KITLG: variants seen among roughly 807,000 people sequenced by gnomAD.
KITLG encodes c-Kit ligand.
KITLG carries 13 observed loss-of-function variants against 34.1 expected under a neutral mutation model. The ratio of observed to expected loss-of-function variants is 0.38; its 90% CI spans 0.25 to 0.61. The LOEUF is 0.61. Ranked by LOEUF, KITLG falls within the 20% of genes least tolerant of loss-of-function variation. The pLI, the probability that KITLG is intolerant of heterozygous loss-of-function variation, is 0.60. For missense variants in KITLG, 292 were observed against 318.9 expected (o/e 0.92, Z 0.64); for synonymous variants, 110 against 104.0 (o/e 1.06, Z -0.35).
chr12:88,494,839 G>C lies in KITLG; in HGVS notation c.*2380C>G, dbSNP rs1299953301. 1 of 152,040 alleles carries C rather than the reference G, an allele frequency of 6.6e-6. No individual in the cohort carries two copies. The highest frequency in any genetic ancestry group is 1.5e-5 in the Non-Finnish European group (1 of 67,916). The allele number at this position is 152,040 out of a possible 1,614,324, so 9.4% of individuals were successfully genotyped here. ...ACTATCTCAGCAGTGAGTTTTCCAT[G>C]ATTTATGAAGAAGGATATTCAGAAC... On this transcript the variant is annotated 3_prime_UTR_variant, in exon 10 of 10. Coordinates refer to ENST00000644744, the MANE Select transcript of KITLG (RefSeq NM_000899.5).
chr12:88,540,300 A>G (rs1350224734), intron 2 of KITLG, among the ~76,000 whole-genome samples: 1 of 152,128 alleles, frequency 6.6e-6, no homozygotes, highest in African/African-American at 2.4e-5. Context: ...CTGTGCCTCA[A>G]TGATAGGTAG....
At chr12:88,524,706 C>A (rs1362968176) in intron 3 of KITLG, among the ~76,000 whole-genome samples, 1 of 151,994 alleles carries the variant, frequency 6.6e-6, no homozygotes, top group East Asian at 1.9e-4. Flanking sequence ...AATATAATCA[C>A]TTATTAGGAA....
Position 88,521,532 on chromosome 12 carries a change from CTT to C in KITLG, c.193-2667_193-2666del, listed in dbSNP as rs528810947. On this transcript the variant is annotated intron_variant, in intron 3 of 9. Coordinates refer to ENST00000644744, the MANE Select transcript of KITLG (RefSeq NM_000899.5). ...TCTTATTTTTCAGAGATATTTTAAA[CTT>C]AAATAGTTTTATATAAATATTTACT... Among the ~76,000 whole-genome samples, 13 of 152,062 alleles carry C rather than the reference CTT, an allele frequency of 8.5e-5. No individual in the cohort carries two copies. The South Asian group carries it at 2.3e-3, about 27-fold the overall frequency.
chr12:88,532,647 T>A, intron 2 of KITLG, 144 bp from the exon 3 acceptor site: 2 of 622,378 alleles, frequency 3.2e-6, no homozygotes, highest in Non-Finnish European at 5.6e-6. Context: ...TATATTGATT[T>A]TTAATCCTTG....
intron 1 of KITLG, chr12:88,546,149 G>A: frequency 4.2e-6 from 2 of 479,092 alleles, no homozygotes; most frequent in Non-Finnish European, 7.9e-6. Context: ...ACTTGTAGCA[G>A]CATGTTAAAG....
intron 2 of KITLG, among the ~76,000 whole-genome samples, chr12:88,543,183 A>G (rs1324113673): frequency 6.6e-6 from 1 of 152,112 alleles, no homozygotes; most frequent in Non-Finnish European, 1.5e-5. Flanking sequence ...ACATAGGTAT[A>G]CATGTATCAT....
At chr12:88,574,291 A>T (rs1426084172) in intron 1 of KITLG, among the ~76,000 whole-genome samples, 1 of 22,900 alleles carries the variant, frequency 4.4e-5, no homozygotes, top group East Asian at 2.5e-3. Flanking sequence ...CTGCTAAAAG[A>T]AAAAAAAAAA....
rs1555258308 is a variant in KITLG at position 88,572,618 on chromosome 12, T to TAA, written c.15+7644_15+7645dup. Reference sequence around the variant, plus strand: ...TATTATATATATATATATATATATATAATTTGTTACAAAGATATTGGAAGA... The same window carrying TAA: ...TATTATATATATATATATATATATATAAAATTTGTTACAAAGATATTGGAAGA... On this transcript the variant is annotated intron_variant, in intron 1 of 9. Coordinates refer to ENST00000644744, the MANE Select transcript of KITLG (RefSeq NM_000899.5). Among the ~76,000 whole-genome samples the TAA allele has an allele frequency of 7.5e-5, 11 of 146,468 alleles. No individual in the cohort carries two copies. The South Asian group carries it at 8.5e-4, about 11-fold the overall frequency.
intron 1 of KITLG, among the ~76,000 whole-genome samples, chr12:88,558,738 A>C (rs560110952): frequency 6.6e-6 from 1 of 152,326 alleles, no homozygotes; most frequent in Non-Finnish European, 1.5e-5. Context: ...CATCTCAGGA[A>C]AGCACATCTT....
chr12:88,558,310 C>G (rs184552574), intron 1 of KITLG, among the ~76,000 whole-genome samples: 1 of 151,908 alleles, frequency 6.6e-6, no homozygotes, highest in African/African-American at 2.4e-5. Flanking sequence ...ACAAAGTTCC[C>G]CCCACCCCTC....
intron 1 of KITLG, among the ~76,000 whole-genome samples, chr12:88,573,879 AACAG>A (rs1871738697): frequency 1.3e-5 from 2 of 152,298 alleles, no homozygotes; most frequent in East Asian, 1.9e-4. Flanking sequence ...CTTTGTGAGC[AACAG>A]ACAAAGTTTG....
At chr12:88,579,502 C>T (rs1485378577) in intron 1 of KITLG, among the ~76,000 whole-genome samples, 1 of 152,170 alleles carries the variant, frequency 6.6e-6, no homozygotes, top group Non-Finnish European at 1.5e-5. Flanking sequence ...CAGCGCTTTA[C>T]CCACAGTGCT....
In KITLG at chr12:88,500,309, T is replaced by C. The variant is rs149115137; in HGVS notation, c.*38-3128A>G. Among the ~76,000 whole-genome samples the C allele has an allele frequency of 1.6e-3, 239 of 152,374 alleles. 1 individual carries two copies. The highest frequency in any genetic ancestry group is 5.0e-3 in the African/African-American group (206 of 41,596). ...TGTATTTGGGTGTGCTCAATTCTAATATGTCATTCATTCCAGTATCTAGAA... is the reference window on the plus strand; with the variant it reads ...TGTATTTGGGTGTGCTCAATTCTAACATGTCATTCATTCCAGTATCTAGAA... On this transcript the variant is annotated intron_variant, in intron 9 of 9. Transcript: ENST00000644744.
intron 2 of KITLG, among the ~76,000 whole-genome samples, chr12:88,533,156 G>A (rs78705676): frequency 6.6e-6 from 1 of 151,998 alleles, no homozygotes; most frequent in Non-Finnish European, 1.5e-5. Flanking sequence ...TCTTACCTTC[G>A]GCTGAACATT....
At chr12:88,516,224 C>T (rs761336797) in intron 5 of KITLG, 110 bp downstream of exon 5, 32 of 884,208 alleles carry the variant, frequency 3.6e-5, no homozygotes, top group Non-Finnish European at 5.0e-5. Context: ...TTTTATTAGA[C>T]GTACATGCAT....
chr12:88,526,673 T>A (rs1323539858), intron 3 of KITLG, among the ~76,000 whole-genome samples: 2 of 152,050 alleles, frequency 1.3e-5, no homozygotes, highest in African/African-American at 4.8e-5. Context: ...GAGTTTCCAG[T>A]AGAACAATTT....
chr12:88,520,931 A>T (rs1869633137), intron 3 of KITLG, among the ~76,000 whole-genome samples: 1 of 152,164 alleles, frequency 6.6e-6, no homozygotes, highest in East Asian at 1.9e-4. Context: ...GCTTTCTTAG[A>T]GTTAAACCAT....
Position 88,497,117 on chromosome 12 carries a change from C to G in KITLG, c.*102G>C. The G allele has an allele frequency of 2.2e-6, 1 of 449,094 alleles. No individual in the cohort carries two copies. Among genetic ancestry groups the G allele is most frequent in the Non-Finnish European group, 4.5e-6 (1 of 223,656 alleles). The allele number at this position is 449,094 out of a possible 1,614,324, so 27.8% of individuals were successfully genotyped here. ...ACAGATAAAGATGTGGTCTGTCACT[C>G]CAGACAGAATATGAATTTGTTTAAA... On this transcript the variant is annotated 3_prime_UTR_variant, in exon 10 of 10. Coordinates refer to ENST00000644744, the MANE Select transcript of KITLG (RefSeq NM_000899.5).
At chr12:88,511,670 T>TA (rs894467490) in intron 6 of KITLG, among the ~76,000 whole-genome samples, 18 of 151,078 alleles carry the variant, frequency 1.2e-4, no homozygotes, top group Admixed American at 5.3e-4. Context: ...AAAATTATAA[T>TA]AAAAAAAAAT....
Sources: gnomAD v4.1 joint callset for allele counts (sites outside exome capture counted in the v4.1 genomes callset) on GRCh38, gnomAD v4.1.1 for gene constraint, MANE v1.5 for transcripts, NCBI Gene and HGNC (gene_info 2026-07-23, HGNC 2026-07-21) for gene names.